RFX3: variants seen among roughly 807,000 people sequenced by gnomAD.
RFX3 encodes the protein regulatory factor X3.
A neutral mutation model predicts 98.6 loss-of-function variants in RFX3; 14 were observed. That is an observed-to-expected ratio of 0.14 (90% CI 0.09 to 0.22). The LOEUF (loss-of-function observed/expected upper bound fraction) is 0.22, where lower values mean the gene tolerates loss of function less well. RFX3 is among the 10% of genes least tolerant of loss of function. RFX3 has a pLI of 1.00. For synonymous variants in RFX3, 383 were observed against 328.4 expected, an observed-to-expected ratio of 1.17 and a Z score of -1.80; for missense variants, 639 against 926.9, an observed-to-expected ratio of 0.69 and a Z score of 4.03.
chr9:3,514,148 C>A (rs1045767890), intron 1 of RFX3, among the ~76,000 whole-genome samples: 6 of 152,128 alleles, frequency 3.9e-5, no homozygotes, highest in Admixed American at 3.3e-4. Flanking sequence ...CAAAACTACA[C>A]GAAGGTCATT....
chr9:3,394,784 C>T, intron 2 of RFX3: 1 of 965,244 alleles, frequency 1.0e-6, no homozygotes, highest in South Asian at 4.8e-5. Flanking sequence ...TATGTTCTCA[C>T]CACTCTTTAG....
chr9:3,228,548 C>T lies in RFX3; in HGVS notation c.2011+299G>A, dbSNP rs565292724. Among the ~76,000 whole-genome samples, 70 of 152,322 alleles carry T rather than the reference C, an allele frequency of 4.6e-4. 1 individual carries two copies. The highest frequency in any genetic ancestry group is 1.5e-3 in the African/African-American group (61 of 41,574). ...CCAATTTTATCACTTATCTCCAGGA[C>T]TCTAGCCATGGTCAGAAATAATTTC... On this transcript the variant is annotated intron_variant, in intron 16 of 16. Coordinates refer to ENST00000617270, the MANE Select transcript of RFX3 (RefSeq NM_001282116.2).
At chr9:3,461,282 T>C (rs568589469) in intron 1 of RFX3, among the ~76,000 whole-genome samples, 37 of 152,076 alleles carry the variant, frequency 2.4e-4, no homozygotes, top group African/African-American at 8.4e-4. Flanking sequence ...TTTTTATTCA[T>C]TTAATCCAAC....
At chr9:3,414,854 A>AC in intron 1 of RFX3, among the ~76,000 whole-genome samples, 1 of 139,014 alleles carries the variant, frequency 7.2e-6, no homozygotes, top group Non-Finnish European at 1.5e-5. Context: ...ATAAGTATAT[A>AC]TGAGTATATA....
intron 1 of RFX3, among the ~76,000 whole-genome samples, chr9:3,396,490 G>A (rs984823429): frequency 5.9e-5 from 9 of 152,080 alleles, no homozygotes; most frequent in Admixed American, 2.0e-4. Flanking sequence ...GAATAGTGCC[G>A]CAGTAAACAT....
chr9:3,468,477 T>A lies in RFX3; in HGVS notation c.-9+57270A>T, dbSNP rs559254958. Among the ~76,000 whole-genome samples the A allele has an allele frequency of 4.6e-5, 7 of 152,284 alleles. No homozygotes were observed. The South Asian group carries it at 1.4e-3, about 32-fold the overall frequency. On this transcript the variant is annotated intron_variant, in intron 1 of 16. Transcript: ENST00000617270. The stretch of plus-strand genomic sequence containing the variant: ...TGGCCCTTTTTGAGCTCCACAACAC[T>A]GCTATTTCTTGTAGAGAGAAACTTT...
At chr9:3,524,997 G>C (rs928794408) in intron 1 of RFX3, among the ~76,000 whole-genome samples, 47 of 151,964 alleles carry the variant, frequency 3.1e-4, no homozygotes, top group Admixed American at 1.6e-3. Context: ...GTGGGGGGGG[G>C]GAGAAAGAGG....
intron 4 of RFX3, among the ~76,000 whole-genome samples, chr9:3,327,724 G>GT (rs1400289866): frequency 6.6e-6 from 1 of 151,914 alleles, no homozygotes; most frequent in Admixed American, 6.6e-5. Context: ...ATAAATTGGT[G>GT]TTTTGTAACA....
intron 16 of RFX3, among the ~76,000 whole-genome samples, chr9:3,226,873 C>T (rs939278560): frequency 2.0e-5 from 3 of 152,180 alleles, no homozygotes; most frequent in African/African-American, 7.2e-5. Flanking sequence ...AATAAAGCTT[C>T]ACTTTCTATA....
In RFX3 at chr9:3,389,728, T is replaced by A. The variant is rs554750161; in HGVS notation, c.117+5744A>T. ...TAAACTCACCTTCAGGCTATGTGTATAAGGTATATATAAAAAAACATATAT... is the reference window on the plus strand; with the variant it reads ...TAAACTCACCTTCAGGCTATGTGTAAAAGGTATATATAAAAAAACATATAT... On this transcript the variant is annotated intron_variant, in intron 2 of 16. Transcript: ENST00000617270. Among the ~76,000 whole-genome samples, 4 of 152,226 alleles carry A rather than the reference T, an allele frequency of 2.6e-5. No homozygotes were observed. The South Asian group carries it at 8.3e-4, about 32-fold the overall frequency.
intron 3 of RFX3, among the ~76,000 whole-genome samples, chr9:3,336,168 GA>G (rs1335406412): frequency 1.3e-5 from 2 of 152,098 alleles, no homozygotes; most frequent in African/African-American, 4.8e-5. Flanking sequence ...TATAAGGATA[GA>G]ATATAGATAT....
intron 1 of RFX3, among the ~76,000 whole-genome samples, chr9:3,468,414 T>G (rs146869920): frequency 2.2e-4 from 33 of 152,298 alleles, no homozygotes; most frequent in Admixed American, 9.8e-4. Flanking sequence ...TAAAATTCAT[T>G]TCATGAATCT....
intron 2 of RFX3, among the ~76,000 whole-genome samples, chr9:3,354,115 C>T (rs1835465269): frequency 6.6e-6 from 1 of 151,836 alleles, no homozygotes; most frequent in African/African-American, 2.4e-5. Flanking sequence ...AATCTACCTA[C>T]CATGAAGAAC....
At chr9:3,339,752 A>C (rs1356669147) in intron 3 of RFX3, among the ~76,000 whole-genome samples, 12 of 152,178 alleles carry the variant, frequency 7.9e-5, no homozygotes, top group Admixed American at 7.2e-4. Context: ...GAAATAAAAG[A>C]GGATACAAAC....
At chr9:3,382,781 G>T (rs1839327136) in intron 2 of RFX3, among the ~76,000 whole-genome samples, 1 of 151,976 alleles carries the variant, frequency 6.6e-6, no homozygotes, top group South Asian at 2.1e-4. Context: ...AGAGTTGATA[G>T]GAAATGTAGA....
chr9:3,314,898 G>C (rs906839016), intron 4 of RFX3, among the ~76,000 whole-genome samples: 2 of 152,208 alleles, frequency 1.3e-5, no homozygotes, highest in South Asian at 4.1e-4. Context: ...CCTACAAAGA[G>C]ACTTAGACAT....
chr9:3,248,864 T>C (rs1385286955), intron 14 of RFX3, among the ~76,000 whole-genome samples: 1 of 152,148 alleles, frequency 6.6e-6, no homozygotes, highest in Non-Finnish European at 1.5e-5. Flanking sequence ...ATTTAAAGTA[T>C]ATAATACGAA....
chr9:3,339,957 C>A (rs1224010422), intron 3 of RFX3, among the ~76,000 whole-genome samples: 1 of 151,950 alleles, frequency 6.6e-6, no homozygotes, highest in Non-Finnish European at 1.5e-5. Flanking sequence ...CAATCCTAAG[C>A]CAAAAGAACA....
At chr9:3,515,727 A>T (rs1160898581) in intron 1 of RFX3, among the ~76,000 whole-genome samples, 2 of 152,238 alleles carry the variant, frequency 1.3e-5, no homozygotes, top group African/African-American at 2.4e-5. Context: ...GCTGACTGAG[A>T]CTGAAGGGGA....
Sources: gnomAD v4.1 joint callset for allele counts (sites outside exome capture counted in the v4.1 genomes callset) on GRCh38, gnomAD v4.1.1 for gene constraint, MANE v1.5 for transcripts, NCBI Gene and HGNC (gene_info 2026-07-23, HGNC 2026-07-21) for gene names.